ANKH: variants seen among roughly 807,000 people sequenced by gnomAD.
ANKH encodes mineralization regulator ANKH.
A neutral mutation model predicts 49.0 loss-of-function variants in ANKH; 15 were observed. That is an observed-to-expected ratio of 0.31 (90% CI 0.20 to 0.47). ANKH has a LOEUF of 0.47. Ranked by LOEUF, ANKH falls within the 20% of genes least tolerant of loss-of-function variation. The pLI is 1.00. For synonymous variants in ANKH, 273 were observed against 260.0 expected (o/e 1.05, Z -0.48); for missense variants, 429 against 652.0 (o/e 0.66, Z 3.72).
chr5:14,732,115 A>G (rs928772570), intron 8 of ANKH, among the ~76,000 whole-genome samples: 1 of 152,172 alleles, frequency 6.6e-6, no homozygotes, highest in African/African-American at 2.4e-5. Context: ...GGCATTTTCT[A>G]CTATGTGGTT....
At position 14,797,603 on chromosome 5, in the gene ANKH, G is replaced by A. The variant is rs1187829372; in HGVS notation, c.97-28412C>T. On this transcript the variant is annotated intron_variant, in intron 1 of 11. Coordinates refer to ENST00000284268, the MANE Select transcript of ANKH (RefSeq NM_054027.6). ...CAGCAGTGTGAGTGTCAACTGAGTG[G>A]CTTGGTTTGGAAGTATTGTTTGAAC... 5 of 1,608,566 alleles carry A rather than the reference G, an allele frequency of 3.1e-6. No individual in the cohort carries two copies. In the South Asian group the frequency reaches 4.4e-5, roughly 14 times the overall value.
chr5:14,766,969 T>C (rs1170919375), intron 2 of ANKH, among the ~76,000 whole-genome samples: 2 of 152,130 alleles, frequency 1.3e-5, no homozygotes, highest in Admixed American at 6.6e-5. Context: ...ACTGCTGAAG[T>C]AGAAATGTAA....
intron 1 of ANKH, among the ~76,000 whole-genome samples, chr5:14,776,153 C>A (rs1490324822): frequency 6.6e-6 from 1 of 152,196 alleles, no homozygotes; most frequent in Non-Finnish European, 1.5e-5. Flanking sequence ...AGAGGGAGAA[C>A]CTGATGATGA....
intron 1 of ANKH, among the ~76,000 whole-genome samples, chr5:14,787,910 G>C (rs1045901775): frequency 6.6e-6 from 1 of 152,172 alleles, no homozygotes; most frequent in East Asian, 1.9e-4. Context: ...CATGAGAAAA[G>C]AGGAACCTTC....
At chr5:14,721,942 A>C (rs1182788764) in intron 8 of ANKH, among the ~76,000 whole-genome samples, 57 of 151,454 alleles carry the variant, frequency 3.8e-4, no homozygotes, top group African/African-American at 1.4e-3. Flanking sequence ...AAAAAAAAAA[A>C]AAAAAAAAAA....
At chr5:14,830,102 T>C (rs550081909) in intron 1 of ANKH, among the ~76,000 whole-genome samples, 1 of 152,322 alleles carries the variant, frequency 6.6e-6, no homozygotes, top group Admixed American at 6.5e-5. Flanking sequence ...CTAGAGGATA[T>C]ACTAAAATCA....
intron 1 of ANKH, among the ~76,000 whole-genome samples, chr5:14,841,560 G>A (rs1442270687): frequency 1.3e-5 from 2 of 152,264 alleles, no homozygotes; most frequent in East Asian, 3.9e-4. Context: ...GCCTCCCAAA[G>A]TGCTAGGATT....
chr5:14,848,555 G>A (rs1471395923), intron 1 of ANKH, among the ~76,000 whole-genome samples: 1 of 152,170 alleles, frequency 6.6e-6, no homozygotes, highest in African/African-American at 2.4e-5. Context: ...TCGCAGACCC[G>A]CCGCTGACTT....
chr5:14,832,721 A>G (rs898650686), intron 1 of ANKH, among the ~76,000 whole-genome samples: 7 of 152,176 alleles, frequency 4.6e-5, no homozygotes, highest in African/African-American at 1.7e-4. Context: ...TTGCCTGTAG[A>G]GTTTGTTGGG....
intron 4 of ANKH, among the ~76,000 whole-genome samples, chr5:14,753,409 T>C (rs954026662): frequency 1.3e-5 from 2 of 152,174 alleles, no homozygotes; most frequent in African/African-American, 2.4e-5. Context: ...TCAGAGGAAT[T>C]TTCTCAGAAG....
At chr5:14,854,859 T>TA (rs1382576127) in intron 1 of ANKH, among the ~76,000 whole-genome samples, 1 of 152,178 alleles carries the variant, frequency 6.6e-6, no homozygotes, top group Non-Finnish European at 1.5e-5. Flanking sequence ...GTTGCCAGAA[T>TA]AGCCTCTTAA....
chr5:14,717,877 C>T (rs546523306), intron 8 of ANKH, among the ~76,000 whole-genome samples: 4 of 152,314 alleles, frequency 2.6e-5, no homozygotes, highest in East Asian at 1.9e-4. Context: ...GTCATGTCAG[C>T]GCTCAAAAGT....
At chr5:14,831,532 G>A (rs1215525423) in intron 1 of ANKH, among the ~76,000 whole-genome samples, 3 of 152,050 alleles carry the variant, frequency 2.0e-5, no homozygotes, top group Non-Finnish European at 4.4e-5. Context: ...GGGGGACGAC[G>A]GGGGGCCTTT....
chr5:14,778,953 C>A (rs1245739887), intron 1 of ANKH, among the ~76,000 whole-genome samples: 1 of 152,212 alleles, frequency 6.6e-6, no homozygotes, highest in African/African-American at 2.4e-5. Flanking sequence ...CTTTCCCATT[C>A]CCTGCTCTCA....
intron 2 of ANKH, among the ~76,000 whole-genome samples, chr5:14,766,757 C>T (rs1204326528): frequency 6.6e-6 from 1 of 152,198 alleles, no homozygotes; most frequent in Admixed American, 6.5e-5. Context: ...ACAAAGCTTC[C>T]TGTACTTACT....
At chr5:14,856,176 G>A (rs1452106004) in intron 1 of ANKH, among the ~76,000 whole-genome samples, 1 of 151,834 alleles carries the variant, frequency 6.6e-6, no homozygotes, top group Admixed American at 6.6e-5. Flanking sequence ...AGGAGGCGGA[G>A]GCTGCAGTGA....
At chr5:14,721,992 T>A (rs1259395452) in intron 8 of ANKH, among the ~76,000 whole-genome samples, 2 of 150,290 alleles carry the variant, frequency 1.3e-5, no homozygotes, top group Non-Finnish European at 2.9e-5. Context: ...AATACCTATC[T>A]GCAGGTGAGG....
intron 1 of ANKH, chr5:14,870,104 A>C (rs1735772304): frequency 1.3e-5 from 2 of 152,234 alleles, no homozygotes; most frequent in Admixed American, 1.3e-4. Context: ...GTGGCAACGG[A>C]AGAGACAAGA....
intron 1 of ANKH, among the ~76,000 whole-genome samples, chr5:14,835,623 C>T (rs1741629706): frequency 6.6e-6 from 1 of 152,164 alleles, no homozygotes; most frequent in African/African-American, 2.4e-5. Flanking sequence ...ATCACTTTTC[C>T]TGTTTGTCTT....
Sources: gnomAD v4.1 joint callset for allele counts (sites outside exome capture counted in the v4.1 genomes callset) on GRCh38, gnomAD v4.1.1 for gene constraint, MANE v1.5 for transcripts, NCBI Gene and HGNC (gene_info 2026-07-23, HGNC 2026-07-21) for gene names.